The following LCP1 variants were observed in gnomAD, a reference collection of about 807,000 sequenced individuals.
The protein encoded by LCP1 is plastin-2.
In LCP1, 23 loss-of-function variants were observed where a neutral mutation model predicts 72.0. That is an observed-to-expected ratio of 0.32 (90% CI 0.23 to 0.45). LCP1 has a LOEUF of 0.45. Among genes scored for constraint, LCP1 ranks in the 20% least tolerant of loss-of-function variants. The pLI is 1.00. For missense variants in LCP1, 571 were observed against 748.3 expected (o/e 0.76, Z 2.76); for synonymous variants, 245 against 275.4 (o/e 0.89, Z 1.09).
chr13:46,174,851 A>AG (rs1288222275), intron 1 of LCP1, among the ~76,000 whole-genome samples: 40 of 151,464 alleles, frequency 2.6e-4, no homozygotes, highest in African/African-American at 9.5e-4. Context: ...AAAAAAAAAA[A>AG]GAAAAAAGAA....
Position 46,143,331 on chromosome 13 carries a change from T to C in LCP1, c.1327A>G (p.Asn443Asp). ...IKVPVDWNRV[N>D]KPPYPKLGGN... is the part of the protein sequence containing the mutation. Reference sequence around the variant, plus strand: ...CCCAGTTTGGGGTATGGCGGTTTGTTTACTCTGTTCCAGTCAACAGGAACT... The same window carrying C: ...CCCAGTTTGGGGTATGGCGGTTTGTCTACTCTGTTCCAGTCAACAGGAACT... The change falls in exon 12 of 16, where the codon AAC becomes GAC. Residue 443 changes from asparagine to aspartate, a missense_variant. Transcript: ENST00000323076. 6.2e-7 allele frequency: 1 copy of C among 1,614,090 alleles called. No individual in the cohort carries two copies. Among genetic ancestry groups the C allele is most frequent in the Non-Finnish European group, 8.5e-7 (1 of 1,179,954 alleles).
intron 13 of LCP1, among the ~76,000 whole-genome samples, chr13:46,135,127 A>G (rs938519215): frequency 7.0e-6 from 1 of 143,460 alleles, no homozygotes; most frequent in Non-Finnish European, 1.6e-5. Flanking sequence ...AAAAAAAGAA[A>G]AAAAAAAAAC....
chr13:46,136,368 G>A (rs546177269), intron 13 of LCP1, among the ~76,000 whole-genome samples: 18 of 152,270 alleles, frequency 1.2e-4, no homozygotes, highest in African/African-American at 1.7e-4. Context: ...GGTATCCACC[G>A]TGTGCCCTCG....
intron 14 of LCP1, among the ~76,000 whole-genome samples, chr13:46,132,527 C>T (rs1002876180): frequency 2.6e-5 from 4 of 152,300 alleles, no homozygotes; most frequent in African/African-American, 7.2e-5. Context: ...ACAATGTCAG[C>T]GAAGATGCCC....
At chr13:46,141,635 G>T (rs879667315) in intron 13 of LCP1, among the ~76,000 whole-genome samples, 3 of 151,940 alleles carry the variant, frequency 2.0e-5, no homozygotes, top group African/African-American at 4.8e-5. Context: ...TCTGCACTCA[G>T]AGAAAAAAAT....
At chr13:46,159,917 G>T (rs899091043) in intron 1 of LCP1, among the ~76,000 whole-genome samples, 5 of 152,164 alleles carry the variant, frequency 3.3e-5, no homozygotes, top group African/African-American at 1.2e-4. Context: ...TATACAGACT[G>T]CTCCTCACAT....
chr13:46,151,454 T>G (rs2045763864), intron 7 of LCP1, among the ~76,000 whole-genome samples: 1 of 152,238 alleles, frequency 6.6e-6, no homozygotes, highest in Non-Finnish European at 1.5e-5. Flanking sequence ...AAGAGATCAA[T>G]TTTGTAATAA....
At position 46,134,224 on chromosome 13, in the gene LCP1, A is replaced by G; in HGVS notation, c.1529T>C (p.Ile510Thr). The change falls in exon 14 of 16, where the codon ATT (isoleucine) becomes ACT (threonine). Residue 510 changes from isoleucine to threonine, a missense_variant. Transcript: ENST00000323076. ...RRYTLNILEEIGGGQKVNDDI... is the reference protein window; with the variant it reads ...RRYTLNILEETGGGQKVNDDI... ...ATCATTGACCTTCTGGCCACCACCA[A>G]TTTCTTCGAGGATATTCAGTGTATA... 1 of 1,613,660 alleles carries G rather than the reference A, an allele frequency of 6.2e-7. No individual in the cohort carries two copies.
chr13:46,164,748 A>G (rs533482267), intron 1 of LCP1, among the ~76,000 whole-genome samples: 2 of 152,352 alleles, frequency 1.3e-5, no homozygotes, highest in Admixed American at 6.5e-5. Flanking sequence ...TGGAAACACA[A>G]CCTAACTTTT....
intron 10 of LCP1, among the ~76,000 whole-genome samples, chr13:46,145,145 C>G (rs928367616): frequency 1.3e-5 from 2 of 152,144 alleles, no homozygotes; most frequent in Non-Finnish European, 2.9e-5. Flanking sequence ...AAGAAGGATT[C>G]AGAATTGGGG....
chr13:46,162,714 G>GC (rs957923239), intron 1 of LCP1, among the ~76,000 whole-genome samples: 3 of 152,110 alleles, frequency 2.0e-5, no homozygotes, highest in Non-Finnish European at 4.4e-5. Flanking sequence ...CCTCTGCCCA[G>GC]CCGCCACCCC....
chr13:46,165,819 G>T (rs1285923383), intron 1 of LCP1, among the ~76,000 whole-genome samples: 2 of 152,142 alleles, frequency 1.3e-5, no homozygotes, highest in Admixed American at 1.3e-4. Context: ...TCAAGGTCAC[G>T]TCTGGGCTGC....
In LCP1 at chr13:46,173,862, C is replaced by T. The variant is rs145223022; in HGVS notation, c.-25+8249G>A. ...CCTTCTAACAGTTGAGGAAGTATGG[C>T]CAGAGTGGAAAAATGTACAGCAATC... is the stretch of plus-strand genomic sequence containing the variant. On this transcript the variant is annotated intron_variant, in intron 1 of 15. Transcript: ENST00000323076. Among the ~76,000 whole-genome samples, 236 of 152,202 alleles carry T rather than the reference C, an allele frequency of 1.6e-3. 1 individual carries two copies. Among genetic ancestry groups the T allele is most frequent in the African/African-American group, 5.4e-3 (223 of 41,526 alleles).
intron 1 of LCP1, among the ~76,000 whole-genome samples, chr13:46,173,058 G>A (rs1255652443): frequency 6.6e-6 from 1 of 152,194 alleles, no homozygotes; most frequent in African/African-American, 2.4e-5. Context: ...CATGAAATGT[G>A]CTTTACTTCT....
intron 4 of LCP1, among the ~76,000 whole-genome samples, chr13:46,157,741 CTTTTTT>C (rs548259648): frequency 2.0e-5 from 2 of 99,790 alleles, no homozygotes; most frequent in Admixed American, 1.1e-4. Flanking sequence ...CATGACTTAT[CTTTTTT>C]TTTTTTTTTT....
chr13:46,148,372 T>C lies in LCP1; in HGVS notation c.958A>G (p.Ile320Val). Residue 320 changes from isoleucine to valine, a missense_variant, in exon 9 of 16, where the codon ATT (isoleucine) becomes GTT (valine). Coordinates refer to ENST00000323076, the MANE Select transcript of LCP1 (RefSeq NM_002298.5). ...GDEEGVPAVVIDMSGLREKDD... is the reference protein window; with the variant it reads ...GDEEGVPAVVVDMSGLREKDD... ...CTTACCCGCAGTCCTGACATGTCAATAACAACAGCAGGAACACCTTCTTCA... is the reference window on the plus strand; with the variant it reads ...CTTACCCGCAGTCCTGACATGTCAACAACAACAGCAGGAACACCTTCTTCA... The C allele has an allele frequency of 6.2e-7, 1 of 1,613,198 alleles. No homozygotes were observed. The highest frequency in any genetic ancestry group is 8.5e-7 in the Non-Finnish European group (1 of 1,179,540).
chr13:46,167,228 T>C (rs970163317), intron 1 of LCP1, among the ~76,000 whole-genome samples: 11 of 152,176 alleles, frequency 7.2e-5, no homozygotes, highest in African/African-American at 2.7e-4. Context: ...TATGGGAAGC[T>C]AGCAATCCAG....
chr13:46,165,851 G>A (rs1418673419), intron 1 of LCP1, among the ~76,000 whole-genome samples: 3 of 152,140 alleles, frequency 2.0e-5, no homozygotes, highest in Non-Finnish European at 2.9e-5. Context: ...GTGAGTGCAT[G>A]TGAGAGCACT....
At chr13:46,149,828 G>A (rs185839764) in intron 8 of LCP1, among the ~76,000 whole-genome samples, 111 of 152,320 alleles carry the variant, frequency 7.3e-4, no homozygotes, top group African/African-American at 2.6e-3. Context: ...GAAAAGTTTT[G>A]CAATTGCAGA....
Sources: allele counts gnomAD v4.1 joint callset (sites outside exome capture counted in the v4.1 genomes callset), GRCh38; gene constraint gnomAD v4.1.1; transcripts MANE v1.5; gene names NCBI Gene and HGNC (gene_info 2026-07-23, HGNC 2026-07-21).